The following CLEC2A variants were observed in gnomAD, a reference collection of about 807,000 sequenced individuals.
The protein encoded by CLEC2A is keratinocyte-associated C-type lectin.
A neutral mutation model predicts 18.6 loss-of-function variants in CLEC2A; 19 were observed. The observed-to-expected ratio is 1.02, with a 90% CI of 0.71 to 1.50. The LOEUF (loss-of-function observed/expected upper bound fraction) is 1.50. Among genes scored for constraint, CLEC2A ranks in the 40% most tolerant of loss-of-function variants. The probability of loss-of-function intolerance (pLI) is 0.00; values close to 1 mark genes in which losing one functional copy is unlikely to be tolerated. For missense variants in CLEC2A, 190 were observed against 207.9 expected (o/e 0.91, Z 0.53); for synonymous variants, 74 against 64.0 (o/e 1.16, Z -0.75).
chr12:9,885,543 A>G, the CLEC2A span, among the ~76,000 whole-genome samples: 1 of 151,792 alleles, frequency 6.6e-6, no homozygotes, highest in African/African-American at 2.4e-5. Context: ...CAGGAAATAG[A>G]TTTTGGGGGC....
At chr12:9,893,611 T>C in the CLEC2A span, 1 of 544,756 alleles carries the variant, frequency 1.8e-6, no homozygotes. Context: ...CTTCTTCACT[T>C]TCCATTCTTT....
At chr12:9,921,078 C>T (rs1863164752) in intron 3 of CLEC2A, among the ~76,000 whole-genome samples, 2 of 152,172 alleles carry the variant, frequency 1.3e-5, no homozygotes, top group Non-Finnish European at 2.9e-5. Context: ...GGCTGGGTTA[C>T]ATAACATTTC....
the CLEC2A span, among the ~76,000 whole-genome samples, chr12:9,877,797 G>T: frequency 6.6e-6 from 1 of 152,150 alleles, no homozygotes; most frequent in East Asian, 1.9e-4. Flanking sequence ...TAGAACTGTG[G>T]CTGTAGCATA....
the CLEC2A span, among the ~76,000 whole-genome samples, chr12:9,889,475 G>A: frequency 6.6e-6 from 1 of 152,200 alleles, no homozygotes; most frequent in East Asian, 1.9e-4. Context: ...AAACTGCTGA[G>A]GTCCCCAAAG....
intron 1 of CLEC2A, among the ~76,000 whole-genome samples, chr12:9,930,052 G>T (rs1376820383): frequency 1.3e-5 from 2 of 152,106 alleles, no homozygotes; most frequent in Admixed American, 6.6e-5. Flanking sequence ...GGAATGTATT[G>T]TCGTACAGTT....
intron 3 of CLEC2A, among the ~76,000 whole-genome samples, chr12:9,919,691 T>C (rs1055335334): frequency 1.3e-5 from 2 of 152,164 alleles, no homozygotes; most frequent in African/African-American, 2.4e-5. Flanking sequence ...CACTTTATCA[T>C]AGGGCTGCTG....
intron 3 of CLEC2A, among the ~76,000 whole-genome samples, chr12:9,918,337 A>T (rs1461081801): frequency 6.6e-6 from 1 of 152,200 alleles, no homozygotes; most frequent in African/African-American, 2.4e-5. Context: ...TTATTCCAGC[A>T]CAATTGATTA....
intron 2 of CLEC2A, among the ~76,000 whole-genome samples, chr12:9,923,116 C>T (rs1863201476): frequency 6.6e-6 from 1 of 152,162 alleles, no homozygotes; most frequent in African/African-American, 2.4e-5. Flanking sequence ...TGGTGGCTTG[C>T]TGCACCTATC....
chr12:9,893,140 T>C, the CLEC2A span: 1 of 1,533,124 alleles, frequency 6.5e-7, no homozygotes, highest in Non-Finnish European at 8.7e-7. Flanking sequence ...CAGGCACATT[T>C]ACTGGTGATT....
intron 4 of CLEC2A, among the ~76,000 whole-genome samples, chr12:9,915,274 C>T (rs1319327808): frequency 1.3e-5 from 2 of 152,108 alleles, no homozygotes; most frequent in Non-Finnish European, 2.9e-5. Flanking sequence ...TTAGTTCAAC[C>T]ATCGTAGAAG....
the CLEC2A span, among the ~76,000 whole-genome samples, chr12:9,885,343 A>G: frequency 6.6e-6 from 1 of 151,518 alleles, no homozygotes; most frequent in Non-Finnish European, 1.5e-5. Context: ...GTATATATAT[A>G]TATATATTAA....
the CLEC2A span, among the ~76,000 whole-genome samples, chr12:9,889,175 C>T: frequency 2.6e-5 from 4 of 152,140 alleles, no homozygotes; most frequent in Admixed American, 2.6e-4. Flanking sequence ...CAACTGTTCA[C>T]ATGAATTTAG....
chr12:9,879,457 C>T, the CLEC2A span, among the ~76,000 whole-genome samples: 1 of 152,162 alleles, frequency 6.6e-6, no homozygotes, highest in Non-Finnish European at 1.5e-5. Context: ...AAACTTCAGT[C>T]ATTTTCTTGA....
chr12:9,910,947 A>G (rs1468352535), downstream of CLEC2A, among the ~76,000 whole-genome samples: 1 of 152,202 alleles, frequency 6.6e-6, no homozygotes, highest in Admixed American at 6.5e-5. Flanking sequence ...GCAAAGAAGA[A>G]CCAGCACTGA....
intron 4 of CLEC2A, chr12:9,899,088 C>A: frequency 3.4e-6 from 2 of 588,772 alleles, no homozygotes; most frequent in Non-Finnish European, 6.3e-6. Context: ...TATCAGTTTG[C>A]ACAGGGAGAG....
chr12:9,916,297 T>A (rs1247591622), intron 4 of CLEC2A, among the ~76,000 whole-genome samples: 1 of 152,068 alleles, frequency 6.6e-6, no homozygotes. Context: ...AAGACAACTA[T>A]AAAGTCTTTA....
chr12:9,923,171 G>T lies in CLEC2A; in HGVS notation c.140-939C>A, dbSNP rs191389990. Reference sequence around the variant, plus strand: ...AAGCCCCGCATGCATTAGGTATTTTGCAATCTATCCATTTGACAAAGGACT... The same window carrying T: ...AAGCCCCGCATGCATTAGGTATTTTTCAATCTATCCATTTGACAAAGGACT... On this transcript the variant is annotated intron_variant, in intron 2 of 4. Coordinates refer to ENST00000455827, the MANE Select transcript of CLEC2A (RefSeq NM_001130711.2). 3.5e-3 allele frequency among the ~76,000 whole-genome samples: 540 copies of T among 152,162 alleles called. 4 individuals are homozygous for T. The highest frequency in any genetic ancestry group is 4.8e-3 in the Non-Finnish European group (326 of 67,998).
chr12:9,929,543 C>T (rs957409470), intron 1 of CLEC2A, among the ~76,000 whole-genome samples: 10 of 152,068 alleles, frequency 6.6e-5, no homozygotes, highest in African/African-American at 2.4e-4. Context: ...ATTGTGTGGA[C>T]TTTCTTTCAA....
the CLEC2A span, chr12:9,885,182 C>G: frequency 3.1e-6 from 1 of 326,098 alleles, no homozygotes; most frequent in East Asian, 4.7e-5. Context: ...AAATTAAATG[C>G]TCAAATGCAA....
Sources: allele counts gnomAD v4.1 joint callset (sites outside exome capture counted in the v4.1 genomes callset), GRCh38; gene constraint gnomAD v4.1.1; transcripts MANE v1.5; gene names NCBI Gene and HGNC (gene_info 2026-07-23, HGNC 2026-07-21).